PLCG2: variants seen among roughly 807,000 people sequenced by gnomAD.
PLCG2 encodes 1-phosphatidylinositol 4,5-bisphosphate phosphodiesterase gamma-2.
PLCG2 carries 69 observed loss-of-function variants against 175.6 expected under a neutral mutation model. That is an observed-to-expected ratio of 0.39 (90% CI 0.32 to 0.48). The LOEUF is 0.48. PLCG2 is among the 20% of genes least tolerant of loss of function. The pLI, the probability that PLCG2 is intolerant of heterozygous loss-of-function variation, is 0.91. For missense variants in PLCG2, 1,798 were observed against 1,650.9 expected (o/e 1.09, Z -1.54); for synonymous variants, 827 against 624.0 (o/e 1.33, Z -4.85).
intron 31 of PLCG2, among the ~76,000 whole-genome samples, chr16:81,949,180 A>C (rs972140288): frequency 2.0e-5 from 3 of 152,220 alleles, no homozygotes; most frequent in African/African-American, 7.2e-5. Context: ...CCTAATATGA[A>C]AGCATGTCCC....
chr16:81,806,616 A>G (rs990141808), intron 2 of PLCG2, among the ~76,000 whole-genome samples: 2 of 152,054 alleles, frequency 1.3e-5, no homozygotes, highest in African/African-American at 2.4e-5. Context: ...GCCTGCAGAC[A>G]TGTGATTCGT....
rs1193558605 is a variant in PLCG2, at chr16:81,869,249, T to C, written c.515T>C (p.Leu172Pro). Reference protein sequence around the residue: ...SLRELKTILPLINFKVSSAKF... With the variant: ...SLRELKTILPPINFKVSSAKF... ...CGAGAGTTGAAGACCATCTTGCCCC[T>C]GATCAACTTTAAAGTGAGCAGTGCC... The change falls in exon 6 of 33, where the codon CTG (leucine) becomes CCG (proline). Residue 172 changes from leucine to proline, a missense_variant. By Grantham distance (98) the Leu-to-Pro change is moderately conservative (BLOSUM62 -3). Transcript: ENST00000564138. 1 of 1,613,898 alleles carries C rather than the reference T, an allele frequency of 6.2e-7. No individual in the cohort carries two copies. The highest frequency in any genetic ancestry group is 8.5e-7 in the Non-Finnish European group (1 of 1,179,846).
intron 5 of PLCG2, among the ~76,000 whole-genome samples, chr16:81,862,792 G>A (rs1307435608): frequency 6.6e-6 from 1 of 152,032 alleles, no homozygotes; most frequent in African/African-American, 2.4e-5. Flanking sequence ...GATCATCTGA[G>A]CCCAGGGAGG....
intron 17 of PLCG2, among the ~76,000 whole-genome samples, chr16:81,910,191 A>G (rs542947033): frequency 6.6e-6 from 1 of 152,132 alleles, no homozygotes; most frequent in African/African-American, 2.4e-5. Context: ...CCCAGGTACA[A>G]GTGATTCTCT....
chr16:81,758,888 G>A (rs1909984209), intron 2 of PLCG2, among the ~76,000 whole-genome samples: 1 of 152,132 alleles, frequency 6.6e-6, no homozygotes, highest in Non-Finnish European at 1.5e-5. Flanking sequence ...ATGTTGGCCA[G>A]GCTGGTCTCG....
chr16:81,942,423 T>C (rs1910981448), intron 30 of PLCG2, among the ~76,000 whole-genome samples: 1 of 152,224 alleles, frequency 6.6e-6, no homozygotes, highest in Non-Finnish European at 1.5e-5. Flanking sequence ...TCCTCACTTC[T>C]TTCTAGCTCC....
At chr16:81,859,834 C>A (rs970429359) in intron 5 of PLCG2, among the ~76,000 whole-genome samples, 1 of 152,112 alleles carries the variant, frequency 6.6e-6, no homozygotes, top group East Asian at 1.9e-4. Flanking sequence ...CCGCGCCCGG[C>A]CACCAGGTGG....
At chr16:81,743,236 A>G (rs891557336) in intron 1 of PLCG2, among the ~76,000 whole-genome samples, 2 of 152,258 alleles carry the variant, frequency 1.3e-5, no homozygotes, top group African/African-American at 4.8e-5. Context: ...CTGTAGTCAC[A>G]GCTACTAGCG....
Position 81,786,726 on chromosome 16 carries a change from C to A in PLCG2, c.193+544C>A, listed in dbSNP as rs118092709. Among the ~76,000 whole-genome samples the A allele has an allele frequency of 1.7e-3, 252 of 152,324 alleles. 1 individual carries two copies. Among genetic ancestry groups the A allele is most frequent in the Non-Finnish European group, 2.8e-3 (188 of 68,032 alleles). ...CCTCCCCTACCTCCGTTTGATTGGGCAGCTGGTTCAGATCCTAAAGTTTCT... is the reference window on the plus strand; with the variant it reads ...CCTCCCCTACCTCCGTTTGATTGGGAAGCTGGTTCAGATCCTAAAGTTTCT... On this transcript the variant is annotated intron_variant, in intron 2 of 32. Coordinates refer to ENST00000564138, the MANE Select transcript of PLCG2 (RefSeq NM_002661.5).
intron 31 of PLCG2, among the ~76,000 whole-genome samples, chr16:81,948,916 G>T (rs1397427595): frequency 6.6e-6 from 1 of 152,164 alleles, no homozygotes; most frequent in African/African-American, 2.4e-5. Context: ...CTGAGCCAGT[G>T]GAAACCTCAG....
At chr16:81,853,556 G>A (rs1383470947) in intron 2 of PLCG2, among the ~76,000 whole-genome samples, 3 of 152,090 alleles carry the variant, frequency 2.0e-5, no homozygotes, top group African/African-American at 7.2e-5. Context: ...ACACAACCTG[G>A]ATCCCTCGCA....
At chr16:81,940,567 T>G (rs1054690104) in intron 30 of PLCG2, among the ~76,000 whole-genome samples, 1 of 152,212 alleles carries the variant, frequency 6.6e-6, no homozygotes, top group Non-Finnish European at 1.5e-5. Context: ...TGTTACAGTT[T>G]TCTTCCCTGC....
At chr16:81,915,214 A>C (rs1403386957) in intron 19 of PLCG2, among the ~76,000 whole-genome samples, 1 of 152,188 alleles carries the variant, frequency 6.6e-6, no homozygotes, top group African/African-American at 2.4e-5. Context: ...AATTTGGACC[A>C]GGCAGTAGGG....
chr16:81,836,706 C>G (rs1905536447), intron 2 of PLCG2, among the ~76,000 whole-genome samples: 1 of 152,186 alleles, frequency 6.6e-6, no homozygotes, highest in Non-Finnish European at 1.5e-5. Flanking sequence ...TGCCACTGCA[C>G]TCCAACCTCA....
chr16:81,766,043 A>G (rs1333201153), intron 2 of PLCG2, among the ~76,000 whole-genome samples: 2 of 152,180 alleles, frequency 1.3e-5, no homozygotes, highest in African/African-American at 4.8e-5. Flanking sequence ...TTTGTAAATG[A>G]GGCTTAGCCT....
rs371370418 is a variant in PLCG2, at chr16:81,925,284, A to C, written c.2417+1690A>C. Reference sequence around the variant, plus strand: ...GCCTGGGTGAAACCGGCTTTTTTGCATACTTCCAAACTGGTTCCCTGTAGC... The same window carrying C: ...GCCTGGGTGAAACCGGCTTTTTTGCCTACTTCCAAACTGGTTCCCTGTAGC... On this transcript the variant is annotated intron_variant, in intron 22 of 32. Transcript: ENST00000564138. 1.2e-4 allele frequency among the ~76,000 whole-genome samples: 19 copies of C among 152,284 alleles called. No individual in the cohort carries two copies. In the East Asian group the frequency reaches 2.7e-3, roughly 22 times the overall value.
chr16:81,932,764 TTC>T (rs1350045967), intron 25 of PLCG2, among the ~76,000 whole-genome samples: 1 of 152,190 alleles, frequency 6.6e-6, no homozygotes, highest in African/African-American at 2.4e-5. Flanking sequence ...GGCATCGTCT[TTC>T]TCTGACCCAG....
chr16:81,833,733 C>T (rs11645217), intron 2 of PLCG2, among the ~76,000 whole-genome samples: 39,144 of 151,640 alleles, frequency 0.26, 6,210 homozygotes, highest in East Asian at 0.58. Context: ...TGGGAACTTA[C>T]AGCCAAGGTG....
chr16:81,870,730 C>T (rs1907471758), intron 6 of PLCG2, 122 bp from the exon 7 acceptor site: 3 of 549,942 alleles, frequency 5.5e-6, no homozygotes, highest in South Asian at 5.2e-5. Context: ...TCATAGCTGT[C>T]TCTTCAGCAT....
Sources: gnomAD v4.1 joint callset for allele counts (sites outside exome capture counted in the v4.1 genomes callset) on GRCh38, gnomAD v4.1.1 for gene constraint, MANE v1.5 for transcripts, NCBI Gene and HGNC (gene_info 2026-07-23, HGNC 2026-07-21) for gene names.